BBS9: variants seen among roughly 807,000 people sequenced by gnomAD.
The protein encoded by BBS9 is protein PTHB1.
BBS9 carries 89 observed loss-of-function variants against 117.7 expected under a neutral mutation model. That is an observed-to-expected ratio of 0.76 (90% CI 0.64 to 0.90). The LOEUF is 0.90. BBS9 is among the 40% of genes least tolerant of loss of function. The probability of loss-of-function intolerance (pLI) is 0.00; values close to 1 mark genes in which losing one functional copy is unlikely to be tolerated. For missense variants in BBS9, 982 were observed against 1,042.2 expected, an observed-to-expected ratio of 0.94 and a Z score of 0.80; for synonymous variants, 379 against 370.9, an observed-to-expected ratio of 1.02 and a Z score of -0.25.
chr7:33,423,288 C>T (rs1184810681), intron 19 of BBS9, among the ~76,000 whole-genome samples: 1 of 152,092 alleles, frequency 6.6e-6, no homozygotes, highest in Non-Finnish European at 1.5e-5. Context: ...AGCCTGGAGC[C>T]TGTGGGAATA....
chr7:33,628,382 A>G (rs893232945), intron 21 of BBS9, among the ~76,000 whole-genome samples: 2 of 152,330 alleles, frequency 1.3e-5, no homozygotes, highest in East Asian at 1.9e-4. Context: ...CCAAATTGCA[A>G]TGTTGGTTTA....
At chr7:33,130,749 G>C (rs551544849) in intron 1 of BBS9, among the ~76,000 whole-genome samples, 2 of 151,540 alleles carry the variant, frequency 1.3e-5, no homozygotes, top group African/African-American at 4.8e-5. Context: ...AAAAAAACTA[G>C]AAAACCCAGA....
intron 9 of BBS9, among the ~76,000 whole-genome samples, chr7:33,310,942 C>T (rs1262163827): frequency 6.6e-6 from 1 of 152,038 alleles, no homozygotes; most frequent in Non-Finnish European, 1.5e-5. Flanking sequence ...TGGGAGAGAC[C>T]AAGATTAAAT....
chr7:33,270,396 A>G (rs1799595648), intron 7 of BBS9, among the ~76,000 whole-genome samples: 1 of 152,218 alleles, frequency 6.6e-6, no homozygotes, highest in East Asian at 1.9e-4. Flanking sequence ...AATTCAGAAT[A>G]TGGACAGGAA....
At chr7:33,473,395 C>G (rs939732900) in intron 19 of BBS9, among the ~76,000 whole-genome samples, 4 of 142,662 alleles carry the variant, frequency 2.8e-5, no homozygotes, top group African/African-American at 1.0e-4. Context: ...ACAATCTTGG[C>G]TCACTGCAAC....
At position 33,273,965 on chromosome 7, in the gene BBS9, T is replaced by C. The variant is rs1368671043; in HGVS notation, c.1016+9T>C. On this transcript the variant is annotated intron_variant, in intron 9 of 22. Coordinates refer to ENST00000242067, the MANE Select transcript of BBS9 (RefSeq NM_198428.3). ...AGAGTGGGCTGTTTGCAGTAAGTGA[T>C]TTAATTTAACACAGTTTTTAAAGAG... 1.9e-6 allele frequency: 3 copies of C among 1,613,478 alleles called. No homozygotes were observed. The highest frequency in any genetic ancestry group is 2.7e-5 in the African/African-American group (2 of 74,920).
At chr7:33,367,743 G>A in intron 16 of BBS9, 24 bp from the exon 17 acceptor site, 1 of 1,607,414 alleles carries the variant, frequency 6.2e-7, no homozygotes, top group Non-Finnish European at 8.5e-7. Context: ...GTTACATAAG[G>A]TGATTTCTCT....
chr7:33,188,837 G>A (rs1010715684), intron 5 of BBS9, among the ~76,000 whole-genome samples: 1 of 152,122 alleles, frequency 6.6e-6, no homozygotes, highest in East Asian at 1.9e-4. Flanking sequence ...AAGGTGCTTT[G>A]TAAAGGGGTT....
intron 1 of BBS9, among the ~76,000 whole-genome samples, chr7:33,135,965 C>T (rs143224384): frequency 1.4e-4 from 21 of 151,290 alleles, no homozygotes; most frequent in Non-Finnish European, 2.2e-4. Context: ...TCTCTGTTGC[C>T]CAGGCTGGAG....
chr7:33,179,519 G>A (rs1003803259), intron 5 of BBS9, among the ~76,000 whole-genome samples: 1 of 151,996 alleles, frequency 6.6e-6, no homozygotes, highest in African/African-American at 2.4e-5. Flanking sequence ...AGGGATCTAG[G>A]TTGTGTGCTC....
intron 7 of BBS9, among the ~76,000 whole-genome samples, chr7:33,269,727 A>G (rs1583995836): frequency 7.3e-6 from 1 of 137,642 alleles, no homozygotes; most frequent in Admixed American, 7.2e-5. Context: ...CTCCAAATGG[A>G]AAAAAAAAAA....
At chr7:33,559,439 A>T (rs1015961049) in intron 21 of BBS9, among the ~76,000 whole-genome samples, 1 of 152,102 alleles carries the variant, frequency 6.6e-6, no homozygotes, top group Non-Finnish European at 1.5e-5. Flanking sequence ...AGCCCCCAGG[A>T]TTATGACTTC....
chr7:33,387,977 A>G lies in BBS9; in HGVS notation c.1963-15A>G, dbSNP rs1293691206. ...GTGTCCATTTAATCTCAATTTAAGA[A>G]ATTATTCATTGCAGCTACGGATAAA... On this transcript the variant is annotated splice_polypyrimidine_tract_variant and intron_variant, in intron 18 of 22. Coordinates refer to ENST00000242067, the MANE Select transcript of BBS9 (RefSeq NM_198428.3). The G allele has an allele frequency of 6.2e-7, 1 of 1,613,216 alleles. No homozygotes were observed. Among genetic ancestry groups the G allele is most frequent in the Non-Finnish European group, 8.5e-7 (1 of 1,179,184 alleles).
intron 9 of BBS9, among the ~76,000 whole-genome samples, chr7:33,298,846 C>T (rs1298877528): frequency 2.0e-5 from 3 of 152,102 alleles, no homozygotes; most frequent in African/African-American, 4.8e-5. Context: ...CACATAGAGG[C>T]GAGGCTGAAC....
chr7:33,201,982 T>G (rs966688581), intron 5 of BBS9, among the ~76,000 whole-genome samples: 2 of 152,120 alleles, frequency 1.3e-5, no homozygotes, highest in Non-Finnish European at 2.9e-5. Flanking sequence ...ATGAAAAGCT[T>G]GGTTGTCTGC....
intron 9 of BBS9, among the ~76,000 whole-genome samples, chr7:33,299,570 A>G (rs1805956652): frequency 6.7e-6 from 1 of 148,974 alleles, no homozygotes; most frequent in Non-Finnish European, 1.5e-5. Context: ...CAATATTATT[A>G]TAATTTAGTA....
intron 5 of BBS9, among the ~76,000 whole-genome samples, chr7:33,247,722 T>C (rs1334967517): frequency 6.6e-6 from 1 of 152,184 alleles, no homozygotes; most frequent in East Asian, 1.9e-4. Flanking sequence ...ACATACTAGG[T>C]GTACAATGAA....
chr7:33,141,086 G>A (rs994198673), intron 1 of BBS9, among the ~76,000 whole-genome samples: 1 of 152,014 alleles, frequency 6.6e-6, no homozygotes, highest in African/African-American at 2.4e-5. Flanking sequence ...TTTTCGTAGA[G>A]ACTGGGTCTC....
intron 2 of BBS9, among the ~76,000 whole-genome samples, chr7:33,150,720 A>G (rs1358606785): frequency 6.6e-6 from 1 of 152,208 alleles, no homozygotes; most frequent in Non-Finnish European, 1.5e-5. Flanking sequence ...TCTTGGGGAA[A>G]AAAAGTATAC....
Sources: gnomAD v4.1 joint callset for allele counts (sites outside exome capture counted in the v4.1 genomes callset) on GRCh38, gnomAD v4.1.1 for gene constraint, MANE v1.5 for transcripts, NCBI Gene and HGNC (gene_info 2026-07-23, HGNC 2026-07-21) for gene names.